Variants in IQCB1 observed in about 807,000 individuals in gnomAD.
IQCB1 encodes IQ calmodulin-binding motif-containing protein 1.
IQCB1 carries 56 observed loss-of-function variants against 84.4 expected under a neutral mutation model. The observed-to-expected ratio is 0.66, with a 90% CI of 0.54 to 0.83. The LOEUF (loss-of-function observed/expected upper bound fraction) is 0.83. IQCB1 is among the 40% of genes least tolerant of loss of function. The pLI is 0.00. For missense variants in IQCB1, 629 were observed against 682.1 expected, an observed-to-expected ratio of 0.92 and a Z score of 0.87; for synonymous variants, 210 against 234.8, an observed-to-expected ratio of 0.89 and a Z score of 0.96.
chr3:121,787,103 T>C (rs532028765), intron 12 of IQCB1, among the ~76,000 whole-genome samples: 1 of 151,946 alleles, frequency 6.6e-6, no homozygotes, highest in Non-Finnish European at 1.5e-5. Flanking sequence ...CAATCTGAGA[T>C]CCCCAGAAGA....
chr3:121,778,788 C>T (rs772943381), intron 13 of IQCB1, among the ~76,000 whole-genome samples: 8 of 151,716 alleles, frequency 5.3e-5, no homozygotes, highest in African/African-American at 1.2e-4. Flanking sequence ...CGCCTGTAAT[C>T]CTAGCTACCT....
intron 7 of IQCB1, among the ~76,000 whole-genome samples, chr3:121,802,919 C>A (rs1285715162): frequency 1.3e-5 from 2 of 152,042 alleles, no homozygotes; most frequent in Non-Finnish European, 2.9e-5. Flanking sequence ...TCTCCTTTGT[C>A]TTGTGAGTTA....
At chr3:121,781,022 GCTAA>G (rs1230025070) in intron 13 of IQCB1, among the ~76,000 whole-genome samples, 1 of 152,206 alleles carries the variant, frequency 6.6e-6, no homozygotes, top group African/African-American at 2.4e-5. Flanking sequence ...TGTATAAACT[GCTAA>G]CTTTCTCCAT....
At position 121,828,901 on chromosome 3, in the gene IQCB1, G is replaced by A; in HGVS notation, c.60C>T (p.Ser20=). ...ILSIAAEVAK[S]PEQNVPVILL... ...GTATAACAGGGACATTCTGCTCAGG[G>A]CTTTTTGCAACTTCAGCAGCTATAG... Residue 20 remains serine, a synonymous_variant, in exon 3 of 15, where the codon AGC becomes AGT. Transcript: ENST00000310864. 1 of 1,611,080 alleles carries A rather than the reference G, an allele frequency of 6.2e-7. No individual in the cohort carries two copies. The highest frequency in any genetic ancestry group is 2.2e-5 in the East Asian group (1 of 44,786).
intron 8 of IQCB1, among the ~76,000 whole-genome samples, chr3:121,797,681 G>T (rs1949255943): frequency 1.3e-5 from 2 of 152,014 alleles, no homozygotes; most frequent in Admixed American, 6.6e-5. Flanking sequence ...AGTTGAAAAA[G>T]ATTATTAAAT....
intron 7 of IQCB1, 43 bp from the exon 8 acceptor site, chr3:121,799,417 TG>T (rs1949324712): frequency 1.7e-6 from 2 of 1,161,608 alleles, no homozygotes; most frequent in African/African-American, 1.5e-5. Flanking sequence ...TACTAATTGA[TG>T]TACAGGTATC....
At chr3:121,789,866 A>T (rs1460913303) in intron 11 of IQCB1, among the ~76,000 whole-genome samples, 1 of 152,212 alleles carries the variant, frequency 6.6e-6, no homozygotes, top group African/African-American at 2.4e-5. Context: ...ACTGGTGGGG[A>T]GATTGTTCAT....
At chr3:121,816,491 G>T (rs1950062900) in intron 5 of IQCB1, among the ~76,000 whole-genome samples, 1 of 151,982 alleles carries the variant, frequency 6.6e-6, no homozygotes, top group South Asian at 2.1e-4. Context: ...GCAACCTACA[G>T]AATAGGAAAA....
intron 13 of IQCB1, among the ~76,000 whole-genome samples, chr3:121,776,017 A>C (rs1948209938): frequency 6.6e-6 from 1 of 151,776 alleles, no homozygotes; most frequent in Non-Finnish European, 1.5e-5. Context: ...TCTTTCATTT[A>C]GCATAATTAT....
intron 4 of IQCB1, 58 bp from the exon 5 acceptor site, chr3:121,826,238 C>G: frequency 6.5e-7 from 1 of 1,540,032 alleles, no homozygotes; most frequent in Non-Finnish European, 9.0e-7. Context: ...GCTCAAGCTT[C>G]TAGAGACACT....
In IQCB1 at chr3:121,786,017, A is replaced by C. The variant is rs1948694878; in HGVS notation, c.1278+2267T>G. Reference sequence around the variant, plus strand: ...GACTTAGTCTCTACTGAAAAAAAAAAAAAATTAGCTGGGCCTGGTGGTGCA... The same window carrying C: ...GACTTAGTCTCTACTGAAAAAAAAACAAAATTAGCTGGGCCTGGTGGTGCA... On this transcript the variant is annotated intron_variant, in intron 12 of 14. Transcript: ENST00000310864. Among the ~76,000 whole-genome samples the C allele has an allele frequency of 4.0e-5, 6 of 150,142 alleles. No individual in the cohort carries two copies. In the South Asian group the frequency reaches 1.1e-3, roughly 27 times the overall value.
chr3:121,800,218 T>C (rs2108573365), intron 7 of IQCB1, among the ~76,000 whole-genome samples: 1 of 152,098 alleles, frequency 6.6e-6, no homozygotes, highest in African/African-American at 2.4e-5. Context: ...AATTTACTTC[T>C]ACATTTCTTC....
chr3:121,830,883 C>A (rs556582980), intron 2 of IQCB1, among the ~76,000 whole-genome samples: 1 of 152,346 alleles, frequency 6.6e-6, no homozygotes, highest in South Asian at 2.1e-4. Flanking sequence ...AACAGAGAAG[C>A]CAAGAAGAAT....
chr3:121,803,115 T>C (rs984549264), intron 7 of IQCB1, among the ~76,000 whole-genome samples: 2 of 152,098 alleles, frequency 1.3e-5, no homozygotes, highest in Non-Finnish European at 2.9e-5. Context: ...AGTGTAGTGA[T>C]GTGATCTCAA....
chr3:121,795,421 T>G (rs376507168), intron 10 of IQCB1, 36 bp downstream of exon 10: 20 of 1,030,804 alleles, frequency 1.9e-5, no homozygotes, highest in Non-Finnish European at 2.8e-5. Context: ...CTAGTAAGAT[T>G]CTATGATCAT....
intron 5 of IQCB1, among the ~76,000 whole-genome samples, chr3:121,819,160 T>C (rs1446370207): frequency 6.6e-6 from 1 of 152,192 alleles, no homozygotes; most frequent in Admixed American, 6.5e-5. Flanking sequence ...AATGAAATAA[T>C]TATACAACTC....
At chr3:121,807,471 T>C (rs1003268302) in intron 6 of IQCB1, 28 bp from the exon 7 acceptor site, 15 of 1,110,418 alleles carry the variant, frequency 1.4e-5, no homozygotes, top group Non-Finnish European at 2.1e-5. Flanking sequence ...AAAAGAAAGA[T>C]TAAAGTAAAG....
intron 5 of IQCB1, 67 bp from the exon 6 acceptor site, chr3:121,809,076 G>A: frequency 1.2e-6 from 1 of 854,726 alleles, no homozygotes; most frequent in South Asian, 1.6e-5. Context: ...TTTTTAAGGA[G>A]ACTTCTCTCT....
intron 10 of IQCB1, among the ~76,000 whole-genome samples, chr3:121,792,933 G>T (rs914822019): frequency 6.6e-6 from 1 of 152,142 alleles, no homozygotes; most frequent in African/African-American, 2.4e-5. Context: ...CCTGGCATCT[G>T]TACTACACTT....
Sources: gnomAD v4.1 joint callset for allele counts (sites outside exome capture counted in the v4.1 genomes callset) on GRCh38, gnomAD v4.1.1 for gene constraint, MANE v1.5 for transcripts, NCBI Gene and HGNC (gene_info 2026-07-23, HGNC 2026-07-21) for gene names.